SCAF8: variants seen among roughly 807,000 people sequenced by gnomAD.
SCAF8 encodes the protein SR-related CTD associated factor 8, also known as SR-related and CTD-associated factor 8.
SCAF8 carries 23 observed loss-of-function variants against 140.5 expected under a neutral mutation model. The observed-to-expected ratio is 0.16, with a 90% CI of 0.12 to 0.23. The LOEUF (loss-of-function observed/expected upper bound fraction) is 0.23, where lower values mean the gene tolerates loss of function less well. Ranked by LOEUF, SCAF8 falls within the 10% of genes least tolerant of loss-of-function variation. The probability of loss-of-function intolerance (pLI) is 1.00; values close to 1 mark genes in which losing one functional copy is unlikely to be tolerated. For missense variants in SCAF8, 1,397 were observed against 1,555.7 expected (o/e 0.90, Z 1.72); for synonymous variants, 575 against 528.9 (o/e 1.09, Z -1.20).
chr6:154,780,140 A>T (rs1053576682), intron 3 of SCAF8, among the ~76,000 whole-genome samples: 1 of 152,060 alleles, frequency 6.6e-6, no homozygotes, highest in Non-Finnish European at 1.5e-5. Flanking sequence ...TCCCTTTTAT[A>T]TACTCTATAG....
chr6:154,778,280 C>T (rs72993432), intron 3 of SCAF8, among the ~76,000 whole-genome samples: 2,585 of 152,216 alleles, frequency 0.017, 27 homozygotes, highest in Non-Finnish European at 0.023. Context: ...GTTTGAGAAT[C>T]GGTGTCATGT....
chr6:154,795,435 T>C (rs901504672), intron 6 of SCAF8, among the ~76,000 whole-genome samples: 1 of 152,170 alleles, frequency 6.6e-6, no homozygotes, highest in Admixed American at 6.5e-5. Context: ...GAGTCCTATC[T>C]TAGAGACCTC....
Position 154,792,932 on chromosome 6 carries a change from C to T in SCAF8, c.431C>T (p.Thr144Ile). 6.2e-7 allele frequency: 1 copy of T among 1,613,922 alleles called. No individual in the cohort carries two copies. The highest frequency in any genetic ancestry group is 8.5e-7 in the Non-Finnish European group (1 of 1,179,890). The change falls in exon 5 of 20, where the codon ACA becomes ATA. Residue 144 changes from threonine to isoleucine, a missense_variant. Around this residue, in one of 5 missense-constraint regions of SCAF8, gnomAD observed 339 missense variants for 407.5 expected, o/e 0.83. Transcript: ENST00000367178. Reference protein sequence around the residue: ...MAAGIPPPVVTPVLASTTTAM... With the variant: ...MAAGIPPPVVIPVLASTTTAM... ...GCCGGGATTCCGCCTCCAGTTGTCACACCTGTTTTGGCCAGCACTACCACT... is the reference window on the plus strand; with the variant it reads ...GCCGGGATTCCGCCTCCAGTTGTCATACCTGTTTTGGCCAGCACTACCACT...
chr6:154,828,104 C>T (rs1778622816), intron 18 of SCAF8, among the ~76,000 whole-genome samples: 2 of 152,182 alleles, frequency 1.3e-5, no homozygotes, highest in Non-Finnish European at 2.9e-5. Context: ...TTGATCAGAA[C>T]ATTTAGTGGA....
intron 1 of SCAF8, among the ~76,000 whole-genome samples, chr6:154,749,571 A>G (rs911338471): frequency 6.6e-6 from 1 of 152,194 alleles, no homozygotes; most frequent in African/African-American, 2.4e-5. Context: ...GATGTCACCT[A>G]TGTATAGTTT....
In SCAF8 at chr6:154,817,779, CAGAA is replaced by C. The variant is rs1383500005; in HGVS notation, c.1522-694_1522-691del. Among the ~76,000 whole-genome samples, 8 of 152,160 alleles carry C rather than the reference CAGAA, an allele frequency of 5.3e-5. No individual in the cohort carries two copies. In the East Asian group the frequency reaches 9.7e-4, roughly 18 times the overall value. On this transcript the variant is annotated intron_variant, in intron 13 of 19. Transcript: ENST00000367178. ...ATGATAGAATGCCTTTTGAGTTTCTCAGAAAGAAACAAATGCTGTGAATAGTTTT... is the reference window on the plus strand; with the variant it reads ...ATGATAGAATGCCTTTTGAGTTTCTCAGAAACAAATGCTGTGAATAGTTTT...
At position 154,808,161 on chromosome 6, in the gene SCAF8, C is replaced by T. The variant is rs1428740543; in HGVS notation, c.1073C>T (p.Pro358Leu). The change falls in exon 10 of 20, where the codon CCT (proline) becomes CTT (leucine). Residue 358 changes from proline (P) to leucine (L), a missense_variant. Physicochemically the swap from Pro to Leu is moderately conservative, Grantham distance 98. This residue lies in a region of SCAF8 where 339 missense variants were observed against 407.5 expected (regional missense o/e 0.83). Transcript: ENST00000367178. ...AGTAGTCAGCAGCATTTTCTTGAAC[C>T]TGAAGTCAATTTGGATGATTCCATA... The part of the protein sequence containing the change: ...QGSSQQHFLE[P>L]EVNLDDSIDI... 6.2e-7 allele frequency: 1 copy of T among 1,613,812 alleles called. No homozygotes were observed. Among genetic ancestry groups the T allele is most frequent in the Non-Finnish European group, 8.5e-7 (1 of 1,179,830 alleles).
Position 154,815,736 on chromosome 6 carries a change from G to C in SCAF8, c.1441G>C (p.Val481Leu). Residue 481 changes from valine (V) to leucine (L), a missense_variant, in exon 13 of 20, where the codon GTT (valine) becomes CTT (leucine). Around this residue, in one of 5 missense-constraint regions of SCAF8, gnomAD observed 59 missense variants for 110.7 expected, o/e 0.53. Transcript: ENST00000367178. ...GACAGTATGTAGTACTACTCTCTGG[G>C]TTGGGCAAGTGGACAAGAAGGCAAC... ...TLSVCSTTLWVGQVDKKATQQ... is the reference protein window; with the variant it reads ...TLSVCSTTLWLGQVDKKATQQ... The C allele has an allele frequency of 6.2e-7, 1 of 1,611,602 alleles. No homozygotes were observed. Among genetic ancestry groups the C allele is most frequent in the East Asian group, 2.2e-5 (1 of 44,764 alleles).
At chr6:154,753,536 G>A (rs1778891711) in intron 1 of SCAF8, among the ~76,000 whole-genome samples, 1 of 152,048 alleles carries the variant, frequency 6.6e-6, no homozygotes, top group Non-Finnish European at 1.5e-5. Flanking sequence ...CTACTCGGGA[G>A]GCTGAGGCAG....
chr6:154,793,572 T>C lies in SCAF8; in HGVS notation c.475+596T>C, dbSNP rs539393325. ...ACTAACACCTGTAATCCTAGCACTT[T>C]GGGAGGCCGAGGCAGGCAGATCGCC... is the stretch of plus-strand genomic sequence containing the variant. On this transcript the variant is annotated intron_variant, in intron 5 of 19. Transcript: ENST00000367178. Among the ~76,000 whole-genome samples the C allele has an allele frequency of 8.6e-5, 13 of 151,952 alleles. No individual in the cohort carries two copies. The South Asian group carries it at 1.9e-3, about 22-fold the overall frequency.
intron 11 of SCAF8, 23 bp from the exon 12 acceptor site, chr6:154,809,992 A>C: frequency 6.4e-7 from 1 of 1,570,534 alleles, no homozygotes; most frequent in Non-Finnish European, 8.6e-7. Flanking sequence ...TGTCATTAGA[A>C]GTAAAATGAA....
Position 154,792,972 on chromosome 6 carries a change from T to A in SCAF8, c.471T>A (p.Thr157=), listed in dbSNP as rs770093374. 6.2e-7 allele frequency: 1 copy of A among 1,605,800 alleles called. No individual in the cohort carries two copies. Among genetic ancestry groups the A allele is most frequent in the South Asian group, 1.1e-5 (1 of 89,218 alleles). ...LASTTTAMSN[T]PGTPVTPVTP... ...GCACTACCACTGCTATGAGCAATAC[T>A]CCAGGTATGTTGCTTTAATATAGAT... Residue 157 remains threonine, a synonymous_variant, in exon 5 of 20, where the codon ACT becomes ACA. Transcript: ENST00000367178.
chr6:154,810,724 T>C (rs1778065698), intron 12 of SCAF8, among the ~76,000 whole-genome samples: 1 of 152,152 alleles, frequency 6.6e-6, no homozygotes, highest in African/African-American at 2.4e-5. Context: ...GGTTTGGTTT[T>C]GGAGCAGGTG....
chr6:154,799,303 G>A (rs1486103600), intron 6 of SCAF8, among the ~76,000 whole-genome samples: 2 of 151,084 alleles, frequency 1.3e-5, no homozygotes, highest in African/African-American at 2.4e-5. Context: ...TATAGAGACA[G>A]GATGTCACTA....
In SCAF8 at chr6:154,824,324, A is replaced by G. The variant is rs761636050; in HGVS notation, c.2017A>G (p.Ile673Val). The change falls in exon 17 of 20, where the codon ATC (isoleucine) becomes GTC (valine). Residue 673 changes from isoleucine (I) to valine (V), a missense_variant. Ile to Val is a conservative substitution (Grantham distance 29). This residue lies in a region of SCAF8 where 930 missense variants were observed against 874.6 expected (regional missense o/e 1.06). Coordinates refer to ENST00000367178, the MANE Select transcript of SCAF8 (RefSeq NM_014892.5). ...MPVPPPGFSP[I>V]PPPPFLRASF... ...GGTTCCTCCTCCTGGATTCAGTCCAATCCCTCCACCTCCTTTTTTAAGAGC... is the reference window on the plus strand; with the variant it reads ...GGTTCCTCCTCCTGGATTCAGTCCAGTCCCTCCACCTCCTTTTTTAAGAGC... The G allele has an allele frequency of 8.1e-6, 13 of 1,613,802 alleles. No individual in the cohort carries two copies. Among genetic ancestry groups the G allele is most frequent in the African/African-American group, 1.3e-5 (1 of 74,916 alleles).
intron 1 of SCAF8, among the ~76,000 whole-genome samples, chr6:154,770,388 ACTCTCTCTCTCTCTCT>A (rs58596375): frequency 1.8e-3 from 256 of 141,832 alleles, no homozygotes; most frequent in African/African-American, 5.1e-3. Context: ...ACACACACAC[ACTCTCTCTCTCTCTCT>A]CTCTCTCTCT....
At chr6:154,818,448 T>C (rs761962154) in intron 13 of SCAF8, 31 bp from the exon 14 acceptor site, 15 of 1,246,144 alleles carry the variant, frequency 1.2e-5, no homozygotes, top group South Asian at 3.9e-5. Flanking sequence ...TCTGTTCTTA[T>C]ACCTTTTCTT....
chr6:154,794,915 T>C, intron 5 of SCAF8, 94 bp from the exon 6 acceptor site: 1 of 1,219,346 alleles, frequency 8.2e-7, no homozygotes, highest in Non-Finnish European at 1.1e-6. Context: ...GTGCATGTGT[T>C]TTATAAAAGT....
chr6:154,786,174 T>C (rs1209448725), intron 3 of SCAF8, among the ~76,000 whole-genome samples: 2 of 152,114 alleles, frequency 1.3e-5, no homozygotes, highest in Non-Finnish European at 2.9e-5. Context: ...TAAAGATAAT[T>C]TGGTGGGTAG....
Sources: allele counts gnomAD v4.1 joint callset (sites outside exome capture counted in the v4.1 genomes callset), GRCh38; gene constraint gnomAD v4.1.1; regional missense constraint gnomAD v4.1.1; transcripts MANE v1.5; gene names NCBI Gene and HGNC (gene_info 2026-07-23, HGNC 2026-07-21).